The following SHCBP1 variants were observed in gnomAD, a reference collection of about 807,000 sequenced individuals.
SHCBP1 encodes the protein SHC binding and spindle associated 1, also known as SHC SH2 domain-binding protein 1.
SHCBP1 carries 60 observed loss-of-function variants against 75.1 expected under a neutral mutation model. That is an observed-to-expected ratio of 0.80 (90% CI 0.65 to 0.99). The LOEUF (loss-of-function observed/expected upper bound fraction) is 0.99. Among genes scored for constraint, SHCBP1 ranks in the 50% least tolerant of loss-of-function variants. SHCBP1 has a pLI of 0.00. For missense variants in SHCBP1, 709 were observed against 809.4 expected, an observed-to-expected ratio of 0.88 and a Z score of 1.50; for synonymous variants, 290 against 293.2, an observed-to-expected ratio of 0.99 and a Z score of 0.11.
intron 10 of SHCBP1, among the ~76,000 whole-genome samples, chr16:46,593,522 G>C (rs1965084831): frequency 6.6e-6 from 1 of 152,116 alleles, no homozygotes; most frequent in South Asian, 2.1e-4. Context: ...CTTGAGCCTA[G>C]GAGTTGGAGA....
chr16:46,605,456 C>T (rs558752768), intron 5 of SHCBP1, among the ~76,000 whole-genome samples: 3 of 152,196 alleles, frequency 2.0e-5, no homozygotes, highest in South Asian at 4.2e-4. Flanking sequence ...GGTGTGATGG[C>T]ATGCACTTGT....
intron 4 of SHCBP1, among the ~76,000 whole-genome samples, chr16:46,614,389 A>C (rs1965464455): frequency 6.6e-6 from 1 of 152,226 alleles, no homozygotes; most frequent in Admixed American, 6.5e-5. Flanking sequence ...TCAGTCTTCT[A>C]GTTCCTGAAG....
At chr16:46,593,280 C>T (rs1965080561) in intron 10 of SHCBP1, among the ~76,000 whole-genome samples, 1 of 152,030 alleles carries the variant, frequency 6.6e-6, no homozygotes, top group Non-Finnish European at 1.5e-5. Flanking sequence ...ATAGCATAAA[C>T]ATATAAAAAT....
chr16:46,603,741 T>C, intron 7 of SHCBP1, 82 bp from the exon 8 acceptor site: 1 of 1,564,418 alleles, frequency 6.4e-7, no homozygotes, highest in Non-Finnish European at 8.7e-7. Flanking sequence ...CTTCATGTCT[T>C]ACTTTGAAAA....
At chr16:46,612,643 T>A (rs1965437580) in intron 4 of SHCBP1, among the ~76,000 whole-genome samples, 1 of 152,130 alleles carries the variant, frequency 6.6e-6, no homozygotes. Flanking sequence ...ACCTAAACTC[T>A]CAATTTCACA....
intron 4 of SHCBP1, among the ~76,000 whole-genome samples, chr16:46,611,796 T>C (rs1318840489): frequency 2.6e-5 from 4 of 152,330 alleles, no homozygotes; most frequent in East Asian, 1.9e-4. Context: ...GAGGTTCAGA[T>C]TGATCAACAG....
At chr16:46,601,856 A>T in intron 8 of SHCBP1, among the ~76,000 whole-genome samples, 1 of 152,210 alleles carries the variant, frequency 6.6e-6, no homozygotes, top group East Asian at 1.9e-4. Context: ...AAATGAATGG[A>T]TTTTCAAAAC....
At position 46,617,532 on chromosome 16, in the gene SHCBP1, C is replaced by T. The variant is rs1043773020; in HGVS notation, c.387+102G>A. The T allele has an allele frequency of 7.4e-6, 6 of 809,892 alleles. No individual in the cohort carries two copies. In the African/African-American group the frequency reaches 8.7e-5, roughly 12 times the overall value. 50.2% of individuals were successfully genotyped at this position (809,892 alleles called of 1,614,324 possible). A position where few individuals can be genotyped will look rare whatever the true frequency, so the allele number is the denominator to read the frequency against. On this transcript the variant is annotated intron_variant, in intron 3 of 12. Transcript: ENST00000303383. ...GATGTGAAAAACATGCTATTTGAAT[C>T]AGCTCATAAACTTTAATTAAAAATA...
At chr16:46,609,183 A>G (rs1390128970) in intron 4 of SHCBP1, among the ~76,000 whole-genome samples, 1 of 152,114 alleles carries the variant, frequency 6.6e-6, no homozygotes, top group Non-Finnish European at 1.5e-5. Context: ...TCCCTGGGAC[A>G]CTTTTAAAAA....
chr16:46,617,825 A>G, intron 2 of SHCBP1, 76 bp from the exon 3 acceptor site: 1 of 1,105,036 alleles, frequency 9.0e-7, no homozygotes, highest in Non-Finnish European at 1.4e-6. Flanking sequence ...CTTTCTCAGA[A>G]ACAACTGGCA....
chr16:46,618,635 T>C (rs934245397), intron 1 of SHCBP1, among the ~76,000 whole-genome samples: 3 of 152,166 alleles, frequency 2.0e-5, no homozygotes, highest in Non-Finnish European at 4.4e-5. Flanking sequence ...TGGGGAGAAG[T>C]AGAAGGCTGT....
In SHCBP1 at chr16:46,617,839, T is replaced by C. The variant is rs1030377330; in HGVS notation, c.272-90A>G. ...ACTTTCTCAGAAACAACTGGCAATC[T>C]GAGGGACTGAAATAGATAATCTACT... On this transcript the variant is annotated intron_variant, in intron 2 of 12. Transcript: ENST00000303383. The C allele has an allele frequency of 5.1e-6, 5 of 988,364 alleles. No homozygotes were observed. The African/African-American group carries it at 6.4e-5, about 13-fold the overall frequency. The allele number at this position is 988,364 out of a possible 1,614,324, so 61.2% of individuals were successfully genotyped here.
intron 9 of SHCBP1, among the ~76,000 whole-genome samples, chr16:46,598,574 G>T (rs1202458445): frequency 6.6e-6 from 1 of 152,098 alleles, no homozygotes; most frequent in African/African-American, 2.4e-5. Context: ...CTAGGGCACA[G>T]GCAGAGTAGA....
chr16:46,586,028 G>A (rs1178890672), intron 10 of SHCBP1, among the ~76,000 whole-genome samples: 5 of 152,166 alleles, frequency 3.3e-5, no homozygotes, highest in Admixed American at 3.3e-4. Flanking sequence ...TAAAACAGAA[G>A]ATCCAGATTC....
Position 46,608,381 on chromosome 16 carries a change from T to A in SHCBP1, c.605A>T (p.Tyr202Phe). ...ATCCCAACTCCTCCAAATGTTTTGG[T>A]AGAAAAATCTGAAATGGAACTTAGT... is the stretch of plus-strand genomic sequence containing the variant. ...ALAIEHVRFF[Y>F]QNIWRSWDEE... The change falls in exon 5 of 13, where the codon TAC becomes TTC. Residue 202 changes from tyrosine (Y) to phenylalanine (F), a missense_variant. By Grantham distance (22) the Tyr-to-Phe change is conservative. Transcript: ENST00000303383. The A allele has an allele frequency of 3.1e-6, 5 of 1,611,828 alleles. No homozygotes were observed. Among genetic ancestry groups the A allele is most frequent in the Non-Finnish European group, 3.4e-6 (4 of 1,178,198 alleles).
rs1965488727 is a variant in SHCBP1, at chr16:46,615,899, C to T, written c.596+47G>A. On this transcript the variant is annotated intron_variant, in intron 4 of 12. Transcript: ENST00000303383. The stretch of plus-strand genomic sequence containing the variant: ...ACAGACCAGAATTACTTCATTTCAT[C>T]CAAAGTTTCTGGCCACAAGGTTATT... 4 of 1,588,870 alleles carry T rather than the reference C, an allele frequency of 2.5e-6. 1 individual carries two copies. The South Asian group carries it at 4.4e-5, about 18-fold the overall frequency.
chr16:46,591,187 G>A (rs539769584), intron 10 of SHCBP1, among the ~76,000 whole-genome samples: 1 of 152,232 alleles, frequency 6.6e-6, no homozygotes, highest in East Asian at 1.9e-4. Context: ...GGAGCGGGGA[G>A]GGATAGCATT....
intron 9 of SHCBP1, among the ~76,000 whole-genome samples, chr16:46,598,344 T>C (rs1342219420): frequency 6.6e-6 from 1 of 152,214 alleles, no homozygotes; most frequent in Admixed American, 6.5e-5. Context: ...CCTTGATCCA[T>C]GGGCTGCAGA....
intron 10 of SHCBP1, among the ~76,000 whole-genome samples, chr16:46,593,520 T>C (rs1965084788): frequency 6.6e-6 from 1 of 152,102 alleles, no homozygotes; most frequent in Non-Finnish European, 1.5e-5. Flanking sequence ...TGCTTGAGCC[T>C]AGGAGTTGGA....
Sources: allele counts gnomAD v4.1 joint callset (sites outside exome capture counted in the v4.1 genomes callset), GRCh38; gene constraint gnomAD v4.1.1; transcripts MANE v1.5; gene names NCBI Gene and HGNC (gene_info 2026-07-23, HGNC 2026-07-21).